The following DLGAP1 variants were observed in gnomAD, a reference collection of about 807,000 sequenced individuals.
DLGAP1 encodes the protein disks large-associated protein 1.
Under a neutral mutation model 90.8 loss-of-function variants are expected in DLGAP1, and 11 were observed. The ratio of observed to expected loss-of-function variants is 0.12; its 90% CI spans 0.08 to 0.20. The LOEUF is 0.20. DLGAP1 is among the 10% of genes least tolerant of loss of function. DLGAP1 has a pLI of 1.00. For synonymous variants in DLGAP1, 558 were observed against 540.7 expected (o/e 1.03, Z -0.44); for missense variants, 1,050 against 1,333.8 (o/e 0.79, Z 3.31).
chr18:4,190,277 T>C (rs1052948783), intron 1 of DLGAP1, among the ~76,000 whole-genome samples: 5 of 152,260 alleles, frequency 3.3e-5, no homozygotes, highest in Admixed American at 3.3e-4. Flanking sequence ...AGCTACATGG[T>C]ATATAATTTC....
chr18:4,223,844 C>G (rs186340611), intron 1 of DLGAP1, among the ~76,000 whole-genome samples: 144 of 152,196 alleles, frequency 9.5e-4, no homozygotes, highest in Non-Finnish European at 1.3e-3. Flanking sequence ...ATCCTTATGG[C>G]ACATATCATT....
chr18:3,589,954 A>T (rs1379465080), intron 7 of DLGAP1, among the ~76,000 whole-genome samples: 1 of 152,224 alleles, frequency 6.6e-6, no homozygotes, highest in Admixed American at 6.6e-5. Context: ...CTTGTTGCCC[A>T]GGCTGGAGCG....
At chr18:3,584,308 T>A (rs1033973911) in intron 7 of DLGAP1, among the ~76,000 whole-genome samples, 1 of 137,032 alleles carries the variant, frequency 7.3e-6, no homozygotes, top group African/African-American at 2.6e-5. Context: ...TGTGGCTCCA[T>A]CACATCAGCT....
At chr18:4,399,842 G>A (rs553717770) in intron 1 of DLGAP1, among the ~76,000 whole-genome samples, 40 of 152,242 alleles carry the variant, frequency 2.6e-4, no homozygotes, top group African/African-American at 9.4e-4. Context: ...TATTTCCCAA[G>A]ACCTGCCTTC....
At chr18:4,368,961 CTG>C (rs2081851012) in intron 1 of DLGAP1, among the ~76,000 whole-genome samples, 1 of 152,134 alleles carries the variant, frequency 6.6e-6, no homozygotes, top group South Asian at 2.1e-4. Flanking sequence ...TGAGCAGTAA[CTG>C]TGGAGCAAAG....
rs2077684825 is a variant in DLGAP1, at chr18:4,204,694, T to A, written c.-266-53407A>T. Reference sequence around the variant, plus strand: ...TTAATTAGTTTTAAGAGGTTTGACATCAAACAGGAATACATTTGAAATGTA... The same window carrying A: ...TTAATTAGTTTTAAGAGGTTTGACAACAAACAGGAATACATTTGAAATGTA... On this transcript the variant is annotated intron_variant, in intron 1 of 12. Transcript: ENST00000315677. Among the ~76,000 whole-genome samples the A allele has an allele frequency of 1.3e-5, 2 of 152,084 alleles. 1 individual carries two copies. Among genetic ancestry groups the A allele is most frequent in the Admixed American group, 1.3e-4 (2 of 15,266 alleles).
chr18:3,913,265 A>T (rs999574527), intron 3 of DLGAP1, among the ~76,000 whole-genome samples: 5 of 151,972 alleles, frequency 3.3e-5, no homozygotes, highest in South Asian at 2.1e-4. Flanking sequence ...TAATTTTTAA[A>T]TTTTTTTGTT....
chr18:3,714,644 T>G lies in DLGAP1; in HGVS notation c.1591+14491A>C, dbSNP rs917233357. Among the ~76,000 whole-genome samples, 1,356 of 145,536 alleles carry G rather than the reference T, an allele frequency of 9.3e-3. 13 individuals are homozygous for G. The highest frequency in any genetic ancestry group is 0.032 in the African/African-American group (1,222 of 37,774). On this transcript the variant is annotated intron_variant, in intron 7 of 12. Coordinates refer to ENST00000315677, the MANE Select transcript of DLGAP1 (RefSeq NM_004746.4). ...AAGAATTAGCTGATTACGTGGTTTT[T>G]TTTTTTTTTTTTTTTTTTTTAGAGG... is the stretch of plus-strand genomic sequence containing the variant.
At chr18:4,183,480 A>G (rs2077242105) in intron 1 of DLGAP1, among the ~76,000 whole-genome samples, 1 of 152,162 alleles carries the variant, frequency 6.6e-6, no homozygotes, top group Non-Finnish European at 1.5e-5. Flanking sequence ...AAATCAAAAA[A>G]TTATTTGAAG....
At position 3,551,357 on chromosome 18, in the gene DLGAP1, C is replaced by T. The variant is rs533409766; in HGVS notation, c.2057+16133G>A. On this transcript the variant is annotated intron_variant, in intron 9 of 12. Transcript: ENST00000315677. ...CTCCACCTCCCAGGTTCCACGATTC[C>T]CCTGCCTCAGGCTCCTGAGTAGCTG... Among the ~76,000 whole-genome samples the T allele has an allele frequency of 1.6e-4, 25 of 151,852 alleles. No homozygotes were observed. In the South Asian group the frequency reaches 5.0e-3, roughly 30 times the overall value.
intron 7 of DLGAP1, among the ~76,000 whole-genome samples, chr18:3,718,955 G>A (rs2061866674): frequency 6.7e-6 from 1 of 149,806 alleles, no homozygotes; most frequent in Non-Finnish European, 1.5e-5. Context: ...AGAAATAATG[G>A]CTGAAAATTT....
intron 7 of DLGAP1, among the ~76,000 whole-genome samples, chr18:3,640,787 C>T (rs62083214): frequency 0.14 from 20,724 of 152,244 alleles, 1,604 homozygotes; most frequent in African/African-American, 0.15. Context: ...CTCCTTTCTC[C>T]GCCAATATGA....
intron 7 of DLGAP1, among the ~76,000 whole-genome samples, chr18:3,685,185 G>C (rs182451305): frequency 6.6e-6 from 1 of 152,282 alleles, no homozygotes; most frequent in East Asian, 1.9e-4. Context: ...GTGGATTTAA[G>C]CATGATATAT....
chr18:3,833,224 TCCTTCCTTCCTTCCTC>T (rs1310628512), intron 4 of DLGAP1, among the ~76,000 whole-genome samples: 28 of 71,822 alleles, frequency 3.9e-4, no homozygotes, highest in South Asian at 5.4e-4. Flanking sequence ...CTTCCTTCCT[TCCTTCCTTCCTTCCTC>T]CTTGTTTTTT....
chr18:3,977,712 C>G, intron 3 of DLGAP1: 2 of 322,830 alleles, frequency 6.2e-6, no homozygotes, highest in South Asian at 6.0e-5. Context: ...CATTCTCATA[C>G]CAGGAAATAA....
chr18:3,643,809 G>A (rs1016861043), intron 7 of DLGAP1, among the ~76,000 whole-genome samples: 3 of 152,202 alleles, frequency 2.0e-5, no homozygotes, highest in East Asian at 1.9e-4. Flanking sequence ...GAAAGAGTAC[G>A]TTGATGAAAC....
chr18:3,554,536 C>A (rs1568185457), intron 9 of DLGAP1, among the ~76,000 whole-genome samples: 1 of 152,206 alleles, frequency 6.6e-6, no homozygotes, highest in Non-Finnish European at 1.5e-5. Flanking sequence ...TGTCCACGGT[C>A]CTCACCGCGA....
At chr18:3,788,607 T>C (rs922487209) in intron 5 of DLGAP1, among the ~76,000 whole-genome samples, 1 of 152,192 alleles carries the variant, frequency 6.6e-6, no homozygotes, top group African/African-American at 2.4e-5. Context: ...GTTAAGTAGC[T>C]TTTCAAGGTC....
intron 1 of DLGAP1, among the ~76,000 whole-genome samples, chr18:4,177,293 T>TG (rs1555755354): frequency 3.3e-5 from 5 of 151,158 alleles, no homozygotes; most frequent in African/African-American, 1.2e-4. Context: ...ACGCAATACT[T>TG]AGAGTGGCTG....
Sources: gnomAD v4.1 joint callset for allele counts (sites outside exome capture counted in the v4.1 genomes callset) on GRCh38, gnomAD v4.1.1 for gene constraint, MANE v1.5 for transcripts, NCBI Gene and HGNC (gene_info 2026-07-23, HGNC 2026-07-21) for gene names.